The following HHAT variants were observed in gnomAD, a reference collection of about 807,000 sequenced individuals.
HHAT encodes hedgehog acyltransferase, also known as protein-cysteine N-palmitoyltransferase HHAT.
A neutral mutation model predicts 70.8 loss-of-function variants in HHAT; 47 were observed. The ratio of observed to expected loss-of-function variants is 0.66; its 90% confidence interval spans 0.53 to 0.85. The LOEUF (loss-of-function observed/expected upper bound fraction) is 0.85, where lower values mean the gene tolerates loss of function less well. HHAT is among the 40% of genes least tolerant of loss of function. The pLI, the probability that HHAT is intolerant of heterozygous loss-of-function variation, is 0.00. For synonymous variants in HHAT, 228 were observed against 247.6 expected (o/e 0.92, Z 0.74); for missense variants, 609 against 604.8 (o/e 1.01, Z -0.07).
chr1:210,350,129 A>G (rs1284535130), intron 2 of HHAT, among the ~76,000 whole-genome samples: 2 of 152,214 alleles, frequency 1.3e-5, no homozygotes, highest in Admixed American at 6.5e-5. Context: ...TGTGTTGTCT[A>G]TTCTGGGTCT....
chr1:210,619,161 T>C (rs1160235430), intron 10 of HHAT, among the ~76,000 whole-genome samples: 1 of 152,098 alleles, frequency 6.6e-6, no homozygotes, highest in East Asian at 1.9e-4. Flanking sequence ...GTGGGTATAT[T>C]CACATTCACA....
At position 210,378,606 on chromosome 1, in the gene HHAT, A is replaced by C. The variant is rs148428635; in HGVS notation, c.160-8862A>C. On this transcript the variant is annotated intron_variant, in intron 3 of 11. Coordinates refer to ENST00000261458, the MANE Select transcript of HHAT (RefSeq NM_018194.6). ...GTACATGTGATACTTTGATACCTCTATACAGTGTGTAATGATTAAATAAAA... is the reference window on the plus strand; with the variant it reads ...GTACATGTGATACTTTGATACCTCTCTACAGTGTGTAATGATTAAATAAAA... Among the ~76,000 whole-genome samples the C allele has an allele frequency of 2.9e-3, 439 of 152,312 alleles. 3 individuals are homozygous for C. The highest frequency in any genetic ancestry group is 3.2e-3 in the Non-Finnish European group (221 of 68,024).
intron 10 of HHAT, among the ~76,000 whole-genome samples, chr1:210,599,066 C>T (rs1293542516): frequency 6.6e-6 from 1 of 152,134 alleles, no homozygotes; most frequent in Non-Finnish European, 1.5e-5. Flanking sequence ...GCCCTCTGAT[C>T]GTCTACAACA....
chr1:210,606,644 G>T (rs1466399944), intron 10 of HHAT, among the ~76,000 whole-genome samples: 4 of 152,022 alleles, frequency 2.6e-5, no homozygotes, highest in Admixed American at 2.0e-4. Flanking sequence ...CTGTTTCTTT[G>T]TGCTGGGTCT....
At position 210,427,915 on chromosome 1, in the gene HHAT, TG is replaced by T. The variant is rs200789309; in HGVS notation, c.856+9595del. ...GGTGTGTTAAAGTCTCCCCTTATTG[TG>T]GGGGAGTCTAAGTCTCTCTGAAAGT... On this transcript the variant is annotated intron_variant, in intron 7 of 11. Transcript: ENST00000261458. 7.3e-3 allele frequency among the ~76,000 whole-genome samples: 1,115 copies of T among 152,152 alleles called. 16 individuals carry two copies. Among genetic ancestry groups the T allele is most frequent in the African/African-American group, 0.024 (1,016 of 41,486 alleles).
intron 9 of HHAT, among the ~76,000 whole-genome samples, chr1:210,528,135 C>T (rs568996105): frequency 2.3e-4 from 35 of 152,138 alleles, no homozygotes; most frequent in Admixed American, 6.5e-5. Flanking sequence ...GCATATCTGC[C>T]TAAGTATAAC....
intron 3 of HHAT, 91 bp from the exon 4 acceptor site, chr1:210,387,377 T>G: frequency 9.6e-7 from 1 of 1,047,008 alleles, no homozygotes; most frequent in Non-Finnish European, 1.5e-6. Context: ...GGACTCACAC[T>G]GGCCTTCTTT....
At chr1:210,444,716 T>C (rs1199288818) in intron 7 of HHAT, among the ~76,000 whole-genome samples, 1 of 152,166 alleles carries the variant, frequency 6.6e-6, no homozygotes, top group African/African-American at 2.4e-5. Context: ...GTGTCACTAT[T>C]TTGCCCAGGC....
At chr1:210,668,318 G>T (rs1205617843) in intron 11 of HHAT, among the ~76,000 whole-genome samples, 1 of 152,100 alleles carries the variant, frequency 6.6e-6, no homozygotes, top group Non-Finnish European at 1.5e-5. Context: ...TTGGATATTG[G>T]TGTGGTTTGG....
chr1:210,463,721 A>T (rs951758404), intron 7 of HHAT, among the ~76,000 whole-genome samples: 7 of 152,078 alleles, frequency 4.6e-5, no homozygotes, highest in Admixed American at 2.0e-4. Context: ...TCATTTGGGG[A>T]ACCACCAGAC....
At chr1:210,328,581 C>G (rs2084708877), upstream of HHAT, among the ~76,000 whole-genome samples, 1 of 152,234 alleles carries the variant, frequency 6.6e-6, no homozygotes, top group Non-Finnish European at 1.5e-5. Context: ...TACCTCCTTT[C>G]GCCTACAAAA....
At chr1:210,533,687 A>C (rs772928594) in intron 9 of HHAT, among the ~76,000 whole-genome samples, 79 of 152,150 alleles carry the variant, frequency 5.2e-4, no homozygotes, top group Non-Finnish European at 1.1e-3. Context: ...AAATCAAGCT[A>C]TGTCATCATT....
rs539765216 is a variant in HHAT, at chr1:210,424,790, G to A, written c.856+6465G>A. 3.4e-4 allele frequency among the ~76,000 whole-genome samples: 52 copies of A among 152,198 alleles called. 1 individual carries two copies. Among genetic ancestry groups the A allele is most frequent in the African/African-American group, 1.1e-3 (45 of 41,518 alleles). ...GTTGATTCCATGTTTTTGCTATTGTGAATAGTGTTGCAATGAACATACGCG... is the reference window on the plus strand; with the variant it reads ...GTTGATTCCATGTTTTTGCTATTGTAAATAGTGTTGCAATGAACATACGCG... On this transcript the variant is annotated intron_variant, in intron 7 of 11. Coordinates refer to ENST00000261458, the MANE Select transcript of HHAT (RefSeq NM_018194.6).
chr1:210,337,637 C>T (rs1448052345), intron 1 of HHAT, among the ~76,000 whole-genome samples: 3 of 152,292 alleles, frequency 2.0e-5, no homozygotes, highest in African/African-American at 4.8e-5. Flanking sequence ...CTCACATTTC[C>T]TCTCTGTCTC....
At chr1:210,457,775 C>T (rs2093900042) in intron 7 of HHAT, among the ~76,000 whole-genome samples, 5 of 152,112 alleles carry the variant, frequency 3.3e-5, no homozygotes, top group Admixed American at 3.3e-4. Flanking sequence ...AAAAGGTGAT[C>T]TCATACTACT....
intron 3 of HHAT, 111 bp from the exon 4 acceptor site, chr1:210,387,357 T>C (rs2091156286): frequency 2.4e-6 from 2 of 848,618 alleles, no homozygotes; most frequent in Non-Finnish European, 3.9e-6. Context: ...AATCCTCTTT[T>C]ACAGAGTTTG....
intron 7 of HHAT, among the ~76,000 whole-genome samples, chr1:210,437,676 T>G (rs2093411052): frequency 6.6e-6 from 1 of 151,810 alleles, no homozygotes; most frequent in African/African-American, 2.4e-5. Flanking sequence ...CCTTGTTATT[T>G]AGACTGCCGG....
chr1:210,647,315 C>T (rs1558347879), intron 11 of HHAT, among the ~76,000 whole-genome samples: 1 of 152,144 alleles, frequency 6.6e-6, no homozygotes, highest in Non-Finnish European at 1.5e-5. Context: ...TGCAAAGATC[C>T]CACTTCCAAA....
Position 210,395,211 on chromosome 1 carries a change from A to G in HHAT, c.274-5257A>G, listed in dbSNP as rs150312615. On this transcript the variant is annotated intron_variant, in intron 4 of 11. Coordinates refer to ENST00000261458, the MANE Select transcript of HHAT (RefSeq NM_018194.6). ...CAACAGGAATTCTGACCAAGGCTCTACACTTTCACTCCTCCCTACAGAGGT... is the reference window on the plus strand; with the variant it reads ...CAACAGGAATTCTGACCAAGGCTCTGCACTTTCACTCCTCCCTACAGAGGT... 1.9e-3 allele frequency among the ~76,000 whole-genome samples: 292 copies of G among 152,266 alleles called. 5 individuals carry two copies. The South Asian group carries it at 0.042, about 22-fold the overall frequency.
Sources: gnomAD v4.1 joint callset for allele counts (sites outside exome capture counted in the v4.1 genomes callset) on GRCh38, gnomAD v4.1.1 for gene constraint, MANE v1.5 for transcripts, NCBI Gene and HGNC (gene_info 2026-07-23, HGNC 2026-07-21) for gene names.